The following DRICH1 variants were observed in gnomAD, a reference collection of about 807,000 sequenced individuals.
DRICH1 encodes the protein aspartate-rich protein 1.
DRICH1 carries 38 observed loss-of-function variants against 39.5 expected under a neutral mutation model. The observed-to-expected ratio is 0.96, with a 90% CI of 0.74 to 1.26. DRICH1 has a LOEUF of 1.26. Ranked by LOEUF, DRICH1 falls within the 50% of genes most tolerant of loss-of-function variation. The pLI, the probability that DRICH1 is intolerant of heterozygous loss-of-function variation, is 0.00. For synonymous variants in DRICH1, 84 were observed against 99.5 expected (o/e 0.84, Z 0.93); for missense variants, 279 against 270.4 (o/e 1.03, Z -0.22).
chr22:23,595,904 G>GA, the DRICH1 span, among the ~76,000 whole-genome samples: 1 of 152,192 alleles, frequency 6.6e-6, no homozygotes, highest in African/African-American at 2.4e-5. Context: ...CTCCATGGGG[G>GA]ACGTTCATAA....
chr22:23,594,265 CCAA>C, the DRICH1 span, among the ~76,000 whole-genome samples: 3 of 151,914 alleles, frequency 2.0e-5, no homozygotes, highest in African/African-American at 7.3e-5. Context: ...AAAGCAGCAG[CCAA>C]CAACAACAAA....
chr22:23,599,332 C>A, the DRICH1 span, among the ~76,000 whole-genome samples: 1 of 152,236 alleles, frequency 6.6e-6, no homozygotes, highest in Non-Finnish European at 1.5e-5. Context: ...CTCCTATGCA[C>A]CCCGCAGGGC....
At chr22:23,584,437 C>T in the DRICH1 span, among the ~76,000 whole-genome samples, 1 of 152,168 alleles carries the variant, frequency 6.6e-6, no homozygotes, top group African/African-American at 2.4e-5. Context: ...CCGCCTGCAC[C>T]ACCAAGGATC....
At chr22:23,590,220 T>C in the DRICH1 span, among the ~76,000 whole-genome samples, 1 of 152,128 alleles carries the variant, frequency 6.6e-6, no homozygotes, top group East Asian at 1.9e-4. Context: ...TTTTAGTGAT[T>C]GATTTCTAGC....
downstream of DRICH1, among the ~76,000 whole-genome samples, chr22:23,606,456 A>G (rs1375480166): frequency 6.6e-6 from 1 of 152,134 alleles, no homozygotes; most frequent in East Asian, 1.9e-4. Context: ...GCCAGAGCCT[A>G]TGGCTTCCCA....
At chr22:23,610,867 T>G (rs1926995077) in intron 11 of DRICH1, among the ~76,000 whole-genome samples, 1 of 152,084 alleles carries the variant, frequency 6.6e-6, no homozygotes, top group Non-Finnish European at 1.5e-5. Flanking sequence ...GTATCTAATT[T>G]TTAACCTATT....
At chr22:23,616,314 T>A (rs1927344384) in intron 8 of DRICH1, among the ~76,000 whole-genome samples, 1 of 152,034 alleles carries the variant, frequency 6.6e-6, no homozygotes, top group Admixed American at 6.6e-5. Flanking sequence ...CTGTAAATAA[T>A]AAAGTAAGAA....
At chr22:23,607,405 G>C (rs140242795), downstream of DRICH1, among the ~76,000 whole-genome samples, 399 of 152,286 alleles carry the variant, frequency 2.6e-3, 3 homozygotes, top group African/African-American at 9.2e-3. Context: ...CAAAACTGGG[G>C]GAGCACAAAG....
chr22:23,604,070 A>G (rs908255404), downstream of DRICH1, among the ~76,000 whole-genome samples: 1 of 152,020 alleles, frequency 6.6e-6, no homozygotes, highest in South Asian at 2.1e-4. Flanking sequence ...TGCCTGGGTC[A>G]CCACAACACC....
chr22:23,588,465 G>A, the DRICH1 span, among the ~76,000 whole-genome samples: 119 of 152,348 alleles, frequency 7.8e-4, no homozygotes, highest in South Asian at 1.5e-3. Context: ...AAGGCGCTCA[G>A]TGGGAGGGTT....
At chr22:23,621,471 A>G (rs1341244070) in intron 4 of DRICH1, among the ~76,000 whole-genome samples, 1 of 151,950 alleles carries the variant, frequency 6.6e-6, no homozygotes, top group Non-Finnish European at 1.5e-5. Context: ...TGTGACACCC[A>G]CGAAGATTGT....
chr22:23,630,314 G>A (rs780068153), intron 1 of DRICH1, among the ~76,000 whole-genome samples: 25 of 152,108 alleles, frequency 1.6e-4, no homozygotes, highest in Admixed American at 9.8e-4. Flanking sequence ...GTGATGACAC[G>A]GTTGAGTAAT....
chr22:23,622,719 C>T (rs1927827520), intron 3 of DRICH1, among the ~76,000 whole-genome samples: 1 of 86,708 alleles, frequency 1.2e-5, no homozygotes, highest in Admixed American at 1.1e-4. Flanking sequence ...TAAAAATAGT[C>T]ATGATTTCCT....
At chr22:23,605,610 GCCCCTGCCTCCATTCCCA>G (rs1236784829), downstream of DRICH1, among the ~76,000 whole-genome samples, 8 of 150,788 alleles carry the variant, frequency 5.3e-5, no homozygotes, top group Non-Finnish European at 8.9e-5. Flanking sequence ...TGGACATCCT[GCCCCTGCCTCCATTCCCA>G]CCCCTGCCTC....
rs1927510726 is a variant in DRICH1, at chr22:23,618,443, T to A, written c.437-786A>T. 2.0e-5 allele frequency among the ~76,000 whole-genome samples: 3 copies of A among 152,048 alleles called. No homozygotes were observed. The South Asian group carries it at 6.2e-4, about 32-fold the overall frequency. ...ACAATTTTTTTTTTCATAGAGATCATTTAAAAAATTAAATATTAAAATACT... is the reference window on the plus strand; with the variant it reads ...ACAATTTTTTTTTTCATAGAGATCAATTAAAAAATTAAATATTAAAATACT... On this transcript the variant is annotated intron_variant, in intron 6 of 11. Transcript: ENST00000317749.
intron 11 of DRICH1, among the ~76,000 whole-genome samples, chr22:23,612,378 A>C (rs1001604472): frequency 6.6e-5 from 10 of 150,746 alleles, no homozygotes; most frequent in African/African-American, 2.0e-4. Context: ...GAGGCACGAG[A>C]ATGGCGTGAA....
At chr22:23,594,825 A>C in the DRICH1 span, among the ~76,000 whole-genome samples, 80 of 149,428 alleles carry the variant, frequency 5.4e-4, 2 homozygotes, top group South Asian at 1.7e-3. Context: ...AGATCCTCAG[A>C]GGGCTGTGGT....
the DRICH1 span, among the ~76,000 whole-genome samples, chr22:23,603,400 T>C: frequency 6.6e-6 from 1 of 151,930 alleles, no homozygotes; most frequent in African/African-American, 2.4e-5. Flanking sequence ...CCCCTGGACC[T>C]GGCTACCCCC....
downstream of DRICH1, among the ~76,000 whole-genome samples, chr22:23,605,597 C>G (rs904078454): frequency 2.6e-5 from 4 of 152,046 alleles, no homozygotes; most frequent in African/African-American, 9.7e-5. Context: ...CCACCATCCT[C>G]TGTGGACATC....
Sources: allele counts gnomAD v4.1 joint callset (sites outside exome capture counted in the v4.1 genomes callset), GRCh38; gene constraint gnomAD v4.1.1; transcripts MANE v1.5; gene names NCBI Gene and HGNC (gene_info 2026-07-23, HGNC 2026-07-21).